Variants in ARID4B observed in about 807,000 individuals in gnomAD.
The protein encoded by ARID4B is AT-rich interaction domain 4B.
In ARID4B, 26 loss-of-function variants were observed where a neutral mutation model predicts 147.5. That is an observed-to-expected ratio of 0.18 (90% CI 0.13 to 0.24). The LOEUF is 0.24. Among genes scored for constraint, ARID4B ranks in the 10% least tolerant of loss-of-function variants. The probability of loss-of-function intolerance (pLI) is 1.00; values close to 1 mark genes in which losing one functional copy is unlikely to be tolerated. For synonymous variants in ARID4B, 512 were observed against 507.9 expected, an observed-to-expected ratio of 1.01 and a Z score of -0.11; for missense variants, 1,179 against 1,511.5, an observed-to-expected ratio of 0.78 and a Z score of 3.65.
In ARID4B at chr1:235,224,741, T is replaced by G; in HGVS notation, c.932A>C (p.Asn311Thr). 1.9e-6 allele frequency: 3 copies of G among 1,598,530 alleles called. No homozygotes were observed. The highest frequency in any genetic ancestry group is 2.6e-6 in the Non-Finnish European group (3 of 1,168,472). The change falls in exon 12 of 24, where the codon AAC becomes ACC. Residue 311 changes from asparagine to threonine, a missense_variant. By Grantham distance (65) the Asn-to-Thr change is moderately conservative. This residue lies in a region of ARID4B where 159 missense variants were observed against 190.5 expected (regional missense o/e 0.83). Transcript: ENST00000264183. The part of the protein sequence containing the change: ...EIEPFPEERE[N>T]FLQQLYKFME... ...AAATTTGTACAATTGCTGAAGAAAG[T>G]TCTCCCTTTCTTCTGGAAATGGTTC...
chr1:235,239,512 G>A (rs927933512), intron 8 of ARID4B, among the ~76,000 whole-genome samples: 2 of 152,092 alleles, frequency 1.3e-5, no homozygotes, highest in African/African-American at 2.4e-5. Context: ...AGTTATGTCC[G>A]TGAAAGATAT....
At chr1:235,300,731 G>C (rs1673062249) in intron 2 of ARID4B, among the ~76,000 whole-genome samples, 1 of 151,716 alleles carries the variant, frequency 6.6e-6, no homozygotes, top group Non-Finnish European at 1.5e-5. Context: ...TTTTTTGTGA[G>C]ACAGAGTCTC....
At chr1:235,202,829 C>T (rs1033699429) in intron 17 of ARID4B, among the ~76,000 whole-genome samples, 2 of 151,966 alleles carry the variant, frequency 1.3e-5, no homozygotes, top group African/African-American at 2.4e-5. Flanking sequence ...GGATTACAGG[C>T]GTGAGCCACC....
chr1:235,263,176 ATAGT>A (rs559646216), intron 2 of ARID4B, among the ~76,000 whole-genome samples: 57 of 152,352 alleles, frequency 3.7e-4, no homozygotes, highest in Non-Finnish European at 7.6e-4. Context: ...GACAAACAGT[ATAGT>A]TAAAAATAAA....
intron 2 of ARID4B, among the ~76,000 whole-genome samples, chr1:235,282,382 C>T (rs780205953): frequency 2.6e-5 from 4 of 152,134 alleles, no homozygotes; most frequent in Non-Finnish European, 5.9e-5. Flanking sequence ...ATATAATCAA[C>T]GCAAAGCAAC....
At chr1:235,222,965 G>C (rs190112649) in intron 13 of ARID4B, among the ~76,000 whole-genome samples, 1 of 152,100 alleles carries the variant, frequency 6.6e-6, no homozygotes, top group Non-Finnish European at 1.5e-5. Context: ...TTGCAGGCAT[G>C]AGCCACCATG....
chr1:235,317,741 C>T (rs1674535661), intron 2 of ARID4B, among the ~76,000 whole-genome samples: 1 of 152,062 alleles, frequency 6.6e-6, no homozygotes, highest in South Asian at 2.1e-4. Flanking sequence ...CTAAGAGATC[C>T]AAAGAGCCAG....
At chr1:235,212,787 C>T (rs1339474546) in intron 17 of ARID4B, among the ~76,000 whole-genome samples, 1 of 152,070 alleles carries the variant, frequency 6.6e-6, no homozygotes, top group African/African-American at 2.4e-5. Context: ...TAAAGAGAAT[C>T]AAAATTTCAT....
At chr1:235,177,730 AT>A in intron 21 of ARID4B, 69 bp downstream of exon 21, 1 of 1,062,928 alleles carries the variant, frequency 9.4e-7, no homozygotes, top group Non-Finnish European at 1.4e-6. Flanking sequence ...CCTGAATACC[AT>A]TTTCTTACTG....
At chr1:235,188,215 T>C (rs1234644998) in intron 19 of ARID4B, among the ~76,000 whole-genome samples, 1 of 151,954 alleles carries the variant, frequency 6.6e-6, no homozygotes, top group Non-Finnish European at 1.5e-5. Context: ...AATATAAACC[T>C]ATAAAAATGG....
chr1:235,291,560 C>A (rs1263706814), intron 2 of ARID4B, among the ~76,000 whole-genome samples: 1 of 151,626 alleles, frequency 6.6e-6, no homozygotes, highest in Non-Finnish European at 1.5e-5. Flanking sequence ...CAAGGCTAGG[C>A]GTGGTGGCTC....
rs528029976 is a variant in ARID4B at position 235,179,841 on chromosome 1, C to A, written c.3334+1744G>T. Among the ~76,000 whole-genome samples the A allele has an allele frequency of 3.8e-4, 57 of 151,982 alleles. 1 individual carries two copies. The East Asian group carries it at 0.01, about 27-fold the overall frequency. The stretch of plus-strand genomic sequence containing the variant: ...ATCCTAGCACTTTGGGAGGCCAAGG[C>A]AGGCAGATCATGAGGTCAAGAGATA... On this transcript the variant is annotated intron_variant, in intron 20 of 23. Coordinates refer to ENST00000264183, the MANE Select transcript of ARID4B (RefSeq NM_016374.6).
chr1:235,207,355 G>A (rs540641456), intron 17 of ARID4B, among the ~76,000 whole-genome samples: 1 of 152,304 alleles, frequency 6.6e-6, no homozygotes, highest in Admixed American at 6.5e-5. Flanking sequence ...CAGTCATTGT[G>A]GTTGCTTGCT....
intron 2 of ARID4B, among the ~76,000 whole-genome samples, chr1:235,305,878 T>C (rs1047830667): frequency 2.6e-5 from 4 of 152,184 alleles, no homozygotes; most frequent in African/African-American, 9.6e-5. Context: ...GAGGATCACC[T>C]GGGCCCAAGA....
intron 19 of ARID4B, among the ~76,000 whole-genome samples, chr1:235,192,796 T>A (rs1365034185): frequency 1.3e-5 from 2 of 152,146 alleles, no homozygotes; most frequent in Non-Finnish European, 2.9e-5. Context: ...TACTAAGCAA[T>A]AATCCCATCA....
Position 235,182,200 on chromosome 1 carries a change from T to C in ARID4B, c.2719A>G (p.Lys907Glu). ...GFSEVAEKRI[K>E]LLNNSDERLQ... Reference sequence around the variant, plus strand: ...CTTTCATCAGAGTTATTTAAAAGTTTAATCCTTTTTTCTGCCACTTCTGAA... The same window carrying C: ...CTTTCATCAGAGTTATTTAAAAGTTCAATCCTTTTTTCTGCCACTTCTGAA... Residue 907 changes from lysine (K) to glutamate (E), a missense_variant, in exon 20 of 24, where the codon AAA becomes GAA. Physicochemically the swap from Lys to Glu is moderately conservative, Grantham distance 56 (BLOSUM62 1). This residue lies in a region of ARID4B where 321 missense variants were observed against 342.4 expected (regional missense o/e 0.94). Coordinates refer to ENST00000264183, the MANE Select transcript of ARID4B (RefSeq NM_016374.6). 6.2e-7 allele frequency: 1 copy of C among 1,613,650 alleles called. No homozygotes were observed. Among genetic ancestry groups the C allele is most frequent in the Middle Eastern group, 1.6e-4 (1 of 6,062 alleles).
At chr1:235,269,659 T>TAC (rs1213486030) in intron 2 of ARID4B, among the ~76,000 whole-genome samples, 2 of 152,198 alleles carry the variant, frequency 1.3e-5, no homozygotes, top group Admixed American at 6.5e-5. Flanking sequence ...CACATATATA[T>TAC]ACACACACAT....
At position 235,182,808 on chromosome 1, in the gene ARID4B, A is replaced by G. The variant is rs777185565; in HGVS notation, c.2126-15T>C. On this transcript the variant is annotated splice_polypyrimidine_tract_variant and intron_variant, in intron 19 of 23. Coordinates refer to ENST00000264183, the MANE Select transcript of ARID4B (RefSeq NM_016374.6). ...ACTTTCAGAAGCTAGAAAATAACAG[A>G]AAAAAAAATGATGAGTATGATAAGA... The G allele has an allele frequency of 1.3e-6, 2 of 1,539,584 alleles. No homozygotes were observed. Among genetic ancestry groups the G allele is most frequent in the Non-Finnish European group, 1.7e-6 (2 of 1,151,850 alleles).
Position 235,168,594 on chromosome 1 carries a change from A to C in ARID4B, c.3870T>G (p.Val1290=), listed in dbSNP as rs1187216051. ...TTGACGGTTCAGCTAAAGTTAACAT[A>C]ACAGCAGCTGTTATGGAACTGGATG... is the stretch of plus-strand genomic sequence containing the variant. The part of the protein sequence containing the change: ...SPSSSSITAA[V]MLTLAEPSMS... The change falls in exon 24 of 24, where the codon GTT becomes GTG. Residue 1290 remains valine (V), a synonymous_variant. Transcript: ENST00000264183. 1 of 1,614,136 alleles carries C rather than the reference A, an allele frequency of 6.2e-7. No homozygotes were observed. Among genetic ancestry groups the C allele is most frequent in the African/African-American group, 1.3e-5 (1 of 75,052 alleles).
Sources: allele counts gnomAD v4.1 joint callset (sites outside exome capture counted in the v4.1 genomes callset), GRCh38; gene constraint gnomAD v4.1.1; regional missense constraint gnomAD v4.1.1; transcripts MANE v1.5; gene names NCBI Gene and HGNC (gene_info 2026-07-23, HGNC 2026-07-21).